Variants in LEPROTL1 observed in about 807,000 individuals in gnomAD.
LEPROTL1 encodes leptin receptor overlapping transcript like 1.
In LEPROTL1, 6 loss-of-function variants were observed where a neutral mutation model predicts 15.4. That is an observed-to-expected ratio of 0.39 (90% CI 0.21 to 0.77). The LOEUF (loss-of-function observed/expected upper bound fraction) is 0.77. Ranked by LOEUF, LEPROTL1 falls within the 30% of genes least tolerant of loss-of-function variation. The pLI is 0.41. For synonymous variants in LEPROTL1, 56 were observed against 52.6 expected, an observed-to-expected ratio of 1.06 and a Z score of -0.28; for missense variants, 128 against 158.1, an observed-to-expected ratio of 0.81 and a Z score of 1.02.
chr8:30,121,828 C>G (rs1253256501), intron 3 of LEPROTL1, among the ~76,000 whole-genome samples: 2 of 151,208 alleles, frequency 1.3e-5, no homozygotes, highest in Non-Finnish European at 2.9e-5. Context: ...CCTTCTGCTC[C>G]CCTAAGCATT....
intron 3 of LEPROTL1, among the ~76,000 whole-genome samples, chr8:30,127,294 C>G (rs1300714630): frequency 6.6e-6 from 1 of 152,184 alleles, no homozygotes; most frequent in Non-Finnish European, 1.5e-5. Flanking sequence ...CTCTCAGACA[C>G]TATTTTCAAA....
chr8:30,136,730 CT>C (rs11390350), intron 4 of LEPROTL1, among the ~76,000 whole-genome samples: 2,968 of 143,716 alleles, frequency 0.021, 28 homozygotes, highest in African/African-American at 0.031. Flanking sequence ...TCCCCCCGAA[CT>C]TTTTTTTTTT....
In LEPROTL1 at chr8:30,106,483, A is replaced by T; in HGVS notation, c.*621A>T. 1 of 985,836 alleles carries T rather than the reference A, an allele frequency of 1.0e-6. No individual in the cohort carries two copies. Among genetic ancestry groups the T allele is most frequent in the Non-Finnish European group, 1.2e-6 (1 of 829,916 alleles). The allele number at this position is 985,836 out of a possible 1,614,324, so 61.1% of individuals were successfully genotyped here. A position where few individuals can be genotyped will look rare whatever the true frequency, so the allele number is the denominator to read the frequency against. ...GGTTGTTGGTTTTACTGGTAGACAG[A>T]TGTTTTGTGGATTGAAAATTATTTT... On this transcript the variant is annotated 3_prime_UTR_variant, in exon 4 of 4. Transcript: ENST00000321250.
At chr8:30,120,008 G>A (rs1454664033) in intron 3 of LEPROTL1, among the ~76,000 whole-genome samples, 1 of 152,176 alleles carries the variant, frequency 6.6e-6, no homozygotes, top group African/African-American at 2.4e-5. Flanking sequence ...GGCAGAGGTT[G>A]CAGTGAGCCG....
At chr8:30,109,214 T>C (rs1802619603), downstream of LEPROTL1, among the ~76,000 whole-genome samples, 1 of 152,246 alleles carries the variant, frequency 6.6e-6, no homozygotes, top group African/African-American at 2.4e-5. Context: ...TTAAGTGGTA[T>C]GTGTGTTTTA....
chr8:30,121,185 TC>T (rs1802823323), intron 3 of LEPROTL1, among the ~76,000 whole-genome samples: 1 of 152,368 alleles, frequency 6.6e-6, no homozygotes, highest in South Asian at 2.1e-4. Flanking sequence ...GTTCTGTGTT[TC>T]ATCTACATAT....
Position 30,106,818 on chromosome 8 carries a change from T to C in LEPROTL1, c.*956T>C. On this transcript the variant is annotated 3_prime_UTR_variant, in exon 4 of 4. Coordinates refer to ENST00000321250, the MANE Select transcript of LEPROTL1 (RefSeq NM_015344.3). Reference sequence around the variant, plus strand: ...CATCATATATGCCAGAAAACCTTCCTCTGCTTCCTCCTTTTGACTTATTTG... The same window carrying C: ...CATCATATATGCCAGAAAACCTTCCCCTGCTTCCTCCTTTTGACTTATTTG... 1.0e-6 allele frequency: 1 copy of C among 985,052 alleles called. No homozygotes were observed. Among genetic ancestry groups the C allele is most frequent in the Non-Finnish European group, 1.2e-6 (1 of 829,192 alleles). 61.0% of individuals were successfully genotyped at this position (985,052 alleles called of 1,614,324 possible). A position where few individuals can be genotyped will look rare whatever the true frequency, so the allele number is the denominator to read the frequency against.
At chr8:30,105,519 A>G (rs1802548833) in intron 3 of LEPROTL1, among the ~76,000 whole-genome samples, 1 of 148,526 alleles carries the variant, frequency 6.7e-6, no homozygotes, top group African/African-American at 2.4e-5. Flanking sequence ...TTATACTATA[A>G]ATATATTTAT....
In LEPROTL1 at chr8:30,106,621, T is replaced by C; in HGVS notation, c.*759T>C. On this transcript the variant is annotated 3_prime_UTR_variant, in exon 4 of 4. Transcript: ENST00000321250. The stretch of plus-strand genomic sequence containing the variant: ...GAGATAAGGTTTTTATTTATGTTTA[T>C]TATTGTTAGAGTGAGTTGCAATGTG... 1 of 983,256 alleles carries C rather than the reference T, an allele frequency of 1.0e-6. No homozygotes were observed. Among genetic ancestry groups the C allele is most frequent in the South Asian group, 4.7e-5 (1 of 21,226 alleles). 60.9% of individuals were successfully genotyped at this position (983,256 alleles called of 1,614,324 possible).
chr8:30,105,727 G>T lies in LEPROTL1; in HGVS notation c.280-19G>T. The stretch of plus-strand genomic sequence containing the variant: ...TTCGTTTTTCATGCCTGTTGACTGA[G>T]TGTATCTTATTTCCATAGATTGAGT... On this transcript the variant is annotated intron_variant, in intron 3 of 3. Transcript: ENST00000321250. 6.3e-7 allele frequency: 1 copy of T among 1,594,808 alleles called. No homozygotes were observed. Among genetic ancestry groups the T allele is most frequent in the Admixed American group, 1.7e-5 (1 of 57,884 alleles).
exon 4 of LEPROTL1, chr8:30,132,458 G>C (rs149271404): frequency 5.8e-6 from 9 of 1,551,634 alleles, no homozygotes; most frequent in Non-Finnish European, 7.8e-6. Flanking sequence ...GCGTGGAGGA[G>C]GGAGTCGTCC....
At chr8:30,105,660 T>C (rs969281563) in intron 3 of LEPROTL1, 86 bp from the exon 4 acceptor site, 27 of 1,062,096 alleles carry the variant, frequency 2.5e-5, no homozygotes, top group Non-Finnish European at 3.4e-5. Flanking sequence ...TAGATCATAA[T>C]TGGGATACAA....
In LEPROTL1 at chr8:30,132,851, A is replaced by C. The variant is rs1387927543; in HGVS notation, c.394+362A>C. 1.3e-6 allele frequency: 2 copies of C among 1,551,206 alleles called. No individual in the cohort carries two copies. The highest frequency in any genetic ancestry group is 3.9e-5 in the Admixed American group (2 of 50,908). On this transcript the variant is annotated intron_variant, in intron 4 of 4. Coordinates refer to the LEPROTL1 transcript ENST00000442880. ...ACTTTCCCCTCACAAATGTCCAGAGAGAGGGACGTGACCCTCTGGGTCAAG... is the reference window on the plus strand; with the variant it reads ...ACTTTCCCCTCACAAATGTCCAGAGCGAGGGACGTGACCCTCTGGGTCAAG...
At chr8:30,110,561 C>T (rs966894160), downstream of LEPROTL1, among the ~76,000 whole-genome samples, 3 of 151,918 alleles carry the variant, frequency 2.0e-5, no homozygotes, top group Admixed American at 2.0e-4. Context: ...TAGTGAAACC[C>T]CATCTCTTCT....
At chr8:30,112,401 ATTTTTTTTTTT>A (rs10684450), downstream of LEPROTL1, among the ~76,000 whole-genome samples, 1,156 of 27,938 alleles carry the variant, frequency 0.041, 31 homozygotes, top group Middle Eastern at 0.071. Context: ...TGCCCAGCTA[ATTTTTTTTTTT>A]TTTTTTTTTT....
At chr8:30,097,694 T>TACACACACAC (rs1443256910) in intron 1 of LEPROTL1, among the ~76,000 whole-genome samples, 1 of 80,154 alleles carries the variant, frequency 1.2e-5, no homozygotes, top group African/African-American at 4.2e-5. Flanking sequence ...AATATATATA[T>TACACACACAC]ATATACACAC....
At chr8:30,111,097 G>T (rs1802648007), downstream of LEPROTL1, among the ~76,000 whole-genome samples, 1 of 152,288 alleles carries the variant, frequency 6.6e-6, no homozygotes, top group South Asian at 2.1e-4. Context: ...TTCTGAAAGG[G>T]TTTACAATTG....
chr8:30,116,390 GT>G (rs1054275551), intron 3 of LEPROTL1, among the ~76,000 whole-genome samples: 5 of 152,180 alleles, frequency 3.3e-5, no homozygotes, highest in African/African-American at 9.7e-5. Context: ...GCGGGGGATG[GT>G]TTTGGGATGA....
At chr8:30,132,166 T>A in intron 3 of LEPROTL1, 1 of 1,551,204 alleles carries the variant, frequency 6.4e-7, no homozygotes, top group South Asian at 1.2e-5. Flanking sequence ...GGCAAAGGAG[T>A]GAATCAGGTA....
Sources: gnomAD v4.1 joint callset for allele counts (sites outside exome capture counted in the v4.1 genomes callset) on GRCh38, gnomAD v4.1.1 for gene constraint, MANE v1.5 for transcripts, NCBI Gene and HGNC (gene_info 2026-07-23, HGNC 2026-07-21) for gene names.